Variants in TULP4 observed in about 807,000 individuals in gnomAD.
TULP4 encodes tubby-related protein 4.
TULP4 carries 16 observed loss-of-function variants against 129.0 expected under a neutral mutation model. The ratio of observed to expected loss-of-function variants is 0.12; its 90% CI spans 0.08 to 0.19. The LOEUF (loss-of-function observed/expected upper bound fraction) is 0.19. TULP4 is among the 10% of genes least tolerant of loss of function. The probability of loss-of-function intolerance (pLI) is 1.00; values close to 1 mark genes in which losing one functional copy is unlikely to be tolerated. For missense variants in TULP4, 1,842 were observed against 2,059.1 expected, an observed-to-expected ratio of 0.89 and a Z score of 2.04; for synonymous variants, 998 against 854.0, an observed-to-expected ratio of 1.17 and a Z score of -2.94.
intron 1 of TULP4, among the ~76,000 whole-genome samples, chr6:158,370,897 G>A (rs530846591): frequency 1.3e-5 from 2 of 152,154 alleles, no homozygotes; most frequent in Admixed American, 6.5e-5. Context: ...AGAAAACAGG[G>A]CAAATGTGGT....
At chr6:158,448,177 G>A (rs936679304) in intron 3 of TULP4, among the ~76,000 whole-genome samples, 3 of 152,126 alleles carry the variant, frequency 2.0e-5, no homozygotes, top group African/African-American at 7.2e-5. Flanking sequence ...TTTAGCTCTG[G>A]CCATGTACCT....
intron 1 of TULP4, among the ~76,000 whole-genome samples, chr6:158,411,885 C>T (rs530167501): frequency 6.6e-6 from 1 of 152,256 alleles, no homozygotes; most frequent in African/African-American, 2.4e-5. Context: ...AACTATCAGT[C>T]CTTTTTATTT....
At position 158,503,998 on chromosome 6, in the gene TULP4, C is replaced by G. The variant is rs769732353; in HGVS notation, c.4335C>G (p.Ala1445=). Residue 1445 remains alanine (A), a synonymous_variant, in exon 13 of 14, where the codon GCC becomes GCG. Transcript: ENST00000367097. The surrounding 1 kb of genome is among the most constrained non-coding windows in gnomAD (Gnocchi z 4.3). ...SPRAAGELEE[A]KCRRASEKED... is the part of the protein sequence containing the mutation. ...GGGCCGCCGGCGAGCTGGAGGAGGCCAAGTGCCGGCGGGCCAGTGAGAAGG... is the reference window on the plus strand; with the variant it reads ...GGGCCGCCGGCGAGCTGGAGGAGGCGAAGTGCCGGCGGGCCAGTGAGAAGG... 1 of 1,612,828 alleles carries G rather than the reference C, an allele frequency of 6.2e-7. No homozygotes were observed. The highest frequency in any genetic ancestry group is 8.5e-7 in the Non-Finnish European group (1 of 1,179,508).
chr6:158,352,063 A>G (rs1780537718), intron 1 of TULP4, among the ~76,000 whole-genome samples: 1 of 152,132 alleles, frequency 6.6e-6, no homozygotes, highest in South Asian at 2.1e-4. Flanking sequence ...GCATTTAAAA[A>G]TATATTTATA....
chr6:158,397,581 T>G (rs1314352332), intron 1 of TULP4, among the ~76,000 whole-genome samples: 19 of 152,160 alleles, frequency 1.2e-4, no homozygotes, highest in Admixed American at 1.2e-3. Context: ...TTGTTTGTTT[T>G]TTGTCATCAG....
intron 1 of TULP4, among the ~76,000 whole-genome samples, chr6:158,327,336 G>A (rs1779766673): frequency 6.6e-6 from 1 of 152,148 alleles, no homozygotes; most frequent in South Asian, 2.1e-4. Flanking sequence ...GACCCATTTG[G>A]TGGAAACGAT....
At chr6:158,330,096 C>T (rs574089465) in intron 1 of TULP4, among the ~76,000 whole-genome samples, 4 of 152,024 alleles carry the variant, frequency 2.6e-5, no homozygotes, top group East Asian at 3.9e-4. Context: ...AATATTTCAG[C>T]ATGTAATCGA....
At chr6:158,349,350 C>T (rs1323314731) in intron 1 of TULP4, among the ~76,000 whole-genome samples, 2 of 142,672 alleles carry the variant, frequency 1.4e-5, no homozygotes, top group South Asian at 2.3e-4. Flanking sequence ...AGGCACTCCT[C>T]ACCTCTCAGA....
chr6:158,354,145 C>T (rs1009217856), intron 1 of TULP4, among the ~76,000 whole-genome samples: 10 of 152,246 alleles, frequency 6.6e-5, no homozygotes, highest in Admixed American at 6.5e-4. Context: ...CCACTGGTAA[C>T]CTTAGGGAAT....
At chr6:158,395,669 G>GGGGGGCGGC (rs1554287341) in intron 1 of TULP4, among the ~76,000 whole-genome samples, 1 of 17,274 alleles carries the variant, frequency 5.8e-5, no homozygotes, top group Non-Finnish European at 8.6e-5. Context: ...AGTGATGGGC[G>GGGGGGCGGC]GGGGGGGGGT....
At chr6:158,262,029 C>G (rs1008055831) in intron 1 of TULP4, among the ~76,000 whole-genome samples, 1 of 152,190 alleles carries the variant, frequency 6.6e-6, no homozygotes. Flanking sequence ...AGTCCTTGAT[C>G]TGGGCATTTT....
chr6:158,412,976 T>C lies in TULP4; in HGVS notation c.253-89T>C, dbSNP rs1271773768. 5.3e-6 allele frequency: 8 copies of C among 1,497,950 alleles called. No individual in the cohort carries two copies. The East Asian group carries it at 1.6e-4, about 30-fold the overall frequency. 92.8% of individuals were successfully genotyped at this position (1,497,950 alleles called of 1,614,324 possible). A position where few individuals can be genotyped will look rare whatever the true frequency, so the allele number is the denominator to read the frequency against. ...TCTTCTCCCTTTATTGACTGCATTC[T>C]AATTAGTTCAAGTCTGATCACATCA... On this transcript the variant is annotated intron_variant, in intron 1 of 13. Transcript: ENST00000367097.
At chr6:158,460,903 G>T (rs601840) in intron 5 of TULP4, among the ~76,000 whole-genome samples, 15,390 of 149,616 alleles carry the variant, frequency 0.1, 858 homozygotes, top group Non-Finnish European at 0.11. Flanking sequence ...TTATTGTCTT[G>T]CTGTCTCTTA....
chr6:158,394,818 A>C (rs561181238), intron 1 of TULP4, among the ~76,000 whole-genome samples: 1 of 148,408 alleles, frequency 6.7e-6, no homozygotes, highest in African/African-American at 2.5e-5. Flanking sequence ...AAAAAAAGGA[A>C]CTACCTGAGG....
chr6:158,434,657 G>A (rs916526833), intron 3 of TULP4, among the ~76,000 whole-genome samples: 3 of 152,152 alleles, frequency 2.0e-5, no homozygotes, highest in Non-Finnish European at 4.4e-5. Flanking sequence ...TTGGATCTTA[G>A]CTAACTGTCA....
intron 1 of TULP4, among the ~76,000 whole-genome samples, chr6:158,350,102 C>A (rs1780471265): frequency 6.7e-6 from 1 of 148,906 alleles, no homozygotes; most frequent in African/African-American, 2.5e-5. Flanking sequence ...GGCAGCCGGG[C>A]AGAGGCGCTC....
At chr6:158,359,139 T>G (rs769866357) in intron 1 of TULP4, among the ~76,000 whole-genome samples, 4 of 152,184 alleles carry the variant, frequency 2.6e-5, no homozygotes, top group Non-Finnish European at 5.9e-5. Flanking sequence ...TGACTTTCTA[T>G]GCCAGCCACC....
chr6:158,335,197 A>G (rs1287859325), intron 1 of TULP4, among the ~76,000 whole-genome samples: 4 of 151,558 alleles, frequency 2.6e-5, no homozygotes, highest in Non-Finnish European at 5.9e-5. Flanking sequence ...GAATCACTTG[A>G]ACCCGGGAGG....
chr6:158,378,492 G>T (rs1333624990), intron 1 of TULP4, among the ~76,000 whole-genome samples: 2 of 83,130 alleles, frequency 2.4e-5, no homozygotes, highest in Admixed American at 2.3e-4. Context: ...TTTTGGTGGG[G>T]GTGGGGGTGG....
Sources: gnomAD v4.1 joint callset for allele counts (sites outside exome capture counted in the v4.1 genomes callset) on GRCh38, gnomAD v4.1.1 for gene constraint, Gnocchi (gnomAD v3.1) non-coding constraint, MANE v1.5 for transcripts, NCBI Gene and HGNC (gene_info 2026-07-23, HGNC 2026-07-21) for gene names.